CACNA2D1: variants seen among roughly 807,000 people sequenced by gnomAD.
The protein encoded by CACNA2D1 is voltage-dependent calcium channel subunit alpha-2/delta-1.
In CACNA2D1, 53 loss-of-function variants were observed where a neutral mutation model predicts 171.5. The observed-to-expected ratio is 0.31, with a 90% CI of 0.25 to 0.39. The LOEUF (loss-of-function observed/expected upper bound fraction) is 0.39. Ranked by LOEUF, CACNA2D1 falls within the 10% of genes least tolerant of loss-of-function variation. The probability of loss-of-function intolerance (pLI) is 1.00; values close to 1 mark genes in which losing one functional copy is unlikely to be tolerated. For missense variants in CACNA2D1, 903 were observed against 1,299.8 expected, an observed-to-expected ratio of 0.69 and a Z score of 4.69; for synonymous variants, 442 against 443.1, an observed-to-expected ratio of 1.00 and a Z score of 0.03.
At chr7:82,276,221 TTCTATATTTG>T (rs1366264399) in intron 3 of CACNA2D1, among the ~76,000 whole-genome samples, 5 of 152,230 alleles carry the variant, frequency 3.3e-5, no homozygotes, top group African/African-American at 4.8e-5. Flanking sequence ...TAAAACATCT[TTCTATATTTG>T]GGGAATTTCC....
intron 6 of CACNA2D1, among the ~76,000 whole-genome samples, chr7:82,096,689 A>G (rs1305009128): frequency 6.7e-6 from 1 of 150,222 alleles, no homozygotes; most frequent in Non-Finnish European, 1.5e-5. Flanking sequence ...AATATCCTGC[A>G]ATAACAAAAC....
intron 5 of CACNA2D1, among the ~76,000 whole-genome samples, chr7:82,117,742 C>G (rs1164627760): frequency 6.6e-6 from 1 of 152,100 alleles, no homozygotes; most frequent in South Asian, 2.1e-4. Flanking sequence ...GATCACATCA[C>G]CACACTCTAG....
Position 82,114,426 on chromosome 7 carries a change from G to A in CACNA2D1, c.526+2618C>T, listed in dbSNP as rs141678724. ...TAAACTTGTCCAGACAATCTGTCTT[G>A]ACTACCAATACTAGACAGAGAACAT... On this transcript the variant is annotated intron_variant, in intron 6 of 38. Transcript: ENST00000356860. 2.3e-3 allele frequency among the ~76,000 whole-genome samples: 343 copies of A among 152,220 alleles called. 1 individual carries two copies. The highest frequency in any genetic ancestry group is 7.9e-3 in the African/African-American group (329 of 41,554).
In CACNA2D1 at chr7:82,012,348, A is replaced by G. The variant is rs1799892749; in HGVS notation, c.1273-105T>C. 19 of 709,380 alleles carry G rather than the reference A, an allele frequency of 2.7e-5. No individual in the cohort carries two copies. The South Asian group carries it at 2.8e-4, about 10-fold the overall frequency. 43.9% of individuals were successfully genotyped at this position (709,380 alleles called of 1,614,324 possible). ...TTCTAGAGTTAAAAATGAATATAGAATCAAAATTATTGACACTGAATATAT... is the reference window on the plus strand; with the variant it reads ...TTCTAGAGTTAAAAATGAATATAGAGTCAAAATTATTGACACTGAATATAT... On this transcript the variant is annotated intron_variant, in intron 14 of 38. Coordinates refer to ENST00000356860, the MANE Select transcript of CACNA2D1 (RefSeq NM_000722.4).
At chr7:82,316,316 T>C (rs1815115340) in intron 3 of CACNA2D1, among the ~76,000 whole-genome samples, 1 of 152,212 alleles carries the variant, frequency 6.6e-6, no homozygotes, top group East Asian at 1.9e-4. Context: ...GTGTATGTCC[T>C]TGATAACTCG....
At chr7:82,436,798 A>G (rs1830146710) in intron 1 of CACNA2D1, among the ~76,000 whole-genome samples, 1 of 152,120 alleles carries the variant, frequency 6.6e-6, no homozygotes, top group African/African-American at 2.4e-5. Context: ...GCCTGAGCCC[A>G]TTTATTTCAT....
At chr7:82,303,025 C>A (rs915069508) in intron 3 of CACNA2D1, among the ~76,000 whole-genome samples, 1 of 151,804 alleles carries the variant, frequency 6.6e-6, no homozygotes, top group East Asian at 1.9e-4. Flanking sequence ...ACAGAGTCTC[C>A]CTCTGTCGCC....
intron 6 of CACNA2D1, among the ~76,000 whole-genome samples, chr7:82,090,958 TAAGAA>T (rs1007136496): frequency 2.8e-4 from 42 of 152,180 alleles, no homozygotes; most frequent in African/African-American, 8.0e-4. Context: ...TTGACTACCT[TAAGAA>T]AAGAGCTGCA....
chr7:82,354,296 A>T (rs1054104744), intron 1 of CACNA2D1, among the ~76,000 whole-genome samples: 1 of 152,114 alleles, frequency 6.6e-6, no homozygotes, highest in East Asian at 1.9e-4. Context: ...CTCAGCTGTG[A>T]ATCCTGCAAT....
chr7:81,995,879 C>T (rs37101), intron 19 of CACNA2D1, among the ~76,000 whole-genome samples: 5,929 of 151,490 alleles, frequency 0.039, 363 homozygotes, highest in African/African-American at 0.13. Context: ...GAAGTTTCCT[C>T]AACTTATTTT....
At chr7:82,301,026 A>C (rs1208402530) in intron 3 of CACNA2D1, among the ~76,000 whole-genome samples, 6 of 152,266 alleles carry the variant, frequency 3.9e-5, no homozygotes, top group Non-Finnish European at 2.9e-5. Context: ...ATTGCAATTT[A>C]ATTAACATAT....
chr7:82,030,572 C>T (rs907207797), intron 12 of CACNA2D1, among the ~76,000 whole-genome samples: 2 of 151,680 alleles, frequency 1.3e-5, no homozygotes, highest in Admixed American at 6.6e-5. Flanking sequence ...TCATTGCCAT[C>T]TTTGAGTCAA....
chr7:82,085,521 T>C (rs1232714602), intron 6 of CACNA2D1, among the ~76,000 whole-genome samples: 1 of 131,264 alleles, frequency 7.6e-6, no homozygotes, highest in Non-Finnish European at 1.7e-5. Flanking sequence ...CCTGCTACCT[T>C]AAAAAAAAAA....
At chr7:82,284,862 T>C (rs1322555662) in intron 3 of CACNA2D1, among the ~76,000 whole-genome samples, 2 of 152,190 alleles carry the variant, frequency 1.3e-5, no homozygotes, top group Non-Finnish European at 2.9e-5. Flanking sequence ...CATAAGACCC[T>C]GAGAGGTCCA....
At chr7:82,364,469 C>T (rs1821452531) in intron 1 of CACNA2D1, among the ~76,000 whole-genome samples, 1 of 152,196 alleles carries the variant, frequency 6.6e-6, no homozygotes, top group Non-Finnish European at 1.5e-5. Context: ...AAGACCTCCA[C>T]TCTGTATGTA....
intron 4 of CACNA2D1, among the ~76,000 whole-genome samples, chr7:82,158,759 A>C (rs2129127484): frequency 6.6e-6 from 1 of 151,948 alleles, no homozygotes; most frequent in Middle Eastern, 3.4e-3. Flanking sequence ...AAAATGACTA[A>C]ATTTCTGTCA....
chr7:82,152,695 G>T (rs1457452417), intron 4 of CACNA2D1, among the ~76,000 whole-genome samples: 2 of 151,956 alleles, frequency 1.3e-5, no homozygotes, highest in African/African-American at 4.8e-5. Context: ...TCAGGAACAT[G>T]ATCTTAAAGG....
chr7:82,432,559 T>G (rs993720685), intron 1 of CACNA2D1, among the ~76,000 whole-genome samples: 1 of 152,260 alleles, frequency 6.6e-6, no homozygotes, highest in African/African-American at 2.4e-5. Flanking sequence ...CAGGCAAGAT[T>G]TGAACTCCTG....
chr7:82,356,958 C>A (rs1200874623), intron 1 of CACNA2D1, among the ~76,000 whole-genome samples: 1 of 152,106 alleles, frequency 6.6e-6, no homozygotes, highest in Non-Finnish European at 1.5e-5. Flanking sequence ...TACAAGGTTT[C>A]TAAATGTTTG....
Sources: gnomAD v4.1 joint callset for allele counts (sites outside exome capture counted in the v4.1 genomes callset) on GRCh38, gnomAD v4.1.1 for gene constraint, MANE v1.5 for transcripts, NCBI Gene and HGNC (gene_info 2026-07-23, HGNC 2026-07-21) for gene names.